The following RFPL3 variants were observed in gnomAD, a reference collection of about 807,000 sequenced individuals.
RFPL3 encodes the protein ret finger protein like 3.
In RFPL3, 8 loss-of-function variants were observed where a neutral mutation model predicts 8.7. The ratio of observed to expected loss-of-function variants is 0.92; its 90% CI spans 0.54 to 1.66. RFPL3 has a LOEUF of 1.66. RFPL3 is among the 40% of genes most tolerant of loss of function. The pLI is 0.00. For synonymous variants in RFPL3, 145 were observed against 150.5 expected (o/e 0.96, Z 0.27); for missense variants, 341 against 395.0 (o/e 0.86, Z 1.16).
At chr22:32,356,064 G>A (rs147013095), upstream of RFPL3, among the ~76,000 whole-genome samples, 383 of 152,114 alleles carry the variant, frequency 2.5e-3, 2 homozygotes, top group African/African-American at 9.0e-3. Flanking sequence ...CCAAATGTAA[G>A]ACCTCATGAA....
chr22:32,356,017 T>C (rs749993536), upstream of RFPL3, among the ~76,000 whole-genome samples: 5 of 151,976 alleles, frequency 3.3e-5, no homozygotes, highest in Non-Finnish European at 4.4e-5. Context: ...TTTTTCCATC[T>C]CTGAACCTGC....
intron 1 of RFPL3, chr22:32,359,910 CTTAA>C (rs1401786862): frequency 1.3e-5 from 4 of 296,838 alleles, no homozygotes; most frequent in African/African-American, 8.7e-5. Context: ...CTTGCATTGT[CTTAA>C]TTATCATTTA....
At chr22:32,358,819 A>G (rs1490676654) in intron 1 of RFPL3, among the ~76,000 whole-genome samples, 1 of 152,202 alleles carries the variant, frequency 6.6e-6, no homozygotes, top group Non-Finnish European at 1.5e-5. Flanking sequence ...TCTCTAGCAA[A>G]GGTTCCCATG....
upstream of RFPL3, among the ~76,000 whole-genome samples, chr22:32,355,824 C>T (rs1236377598): frequency 6.6e-6 from 1 of 150,910 alleles, no homozygotes; most frequent in African/African-American, 2.4e-5. Flanking sequence ...AGATGGCTGG[C>T]TTCAACACTG....
chr22:32,357,815 C>T (rs1932718336), upstream of RFPL3: 1 of 1,329,044 alleles, frequency 7.5e-7, no homozygotes. Flanking sequence ...TGCTGGGGTT[C>T]CCCTAGGAGG....
At chr22:32,356,232 T>G (rs543067506), upstream of RFPL3, among the ~76,000 whole-genome samples, 28 of 151,996 alleles carry the variant, frequency 1.8e-4, no homozygotes, top group Non-Finnish European at 8.8e-5. Context: ...GGGTCTTGAC[T>G]AGGGTAGGGA....
upstream of RFPL3, among the ~76,000 whole-genome samples, chr22:32,355,300 G>A (rs1932627515): frequency 6.6e-6 from 1 of 152,124 alleles, no homozygotes; most frequent in Non-Finnish European, 1.5e-5. Context: ...TGTAGTCCAA[G>A]AACCTCATTT....
chr22:32,356,091 T>C (rs1932659298), upstream of RFPL3, among the ~76,000 whole-genome samples: 1 of 152,044 alleles, frequency 6.6e-6, no homozygotes, highest in Non-Finnish European at 1.5e-5. Flanking sequence ...GATGCAACAG[T>C]GTCCTGGACA....
At chr22:32,357,477 T>C (rs919873891), upstream of RFPL3, among the ~76,000 whole-genome samples, 19 of 151,934 alleles carry the variant, frequency 1.3e-4, no homozygotes, top group Non-Finnish European at 2.5e-4. Context: ...GCCCCCTTTT[T>C]TTTTTTTGAG....
Position 32,358,313 on chromosome 22 carries a change from G to C in RFPL3, c.242G>C (p.Cys81Ser), listed in dbSNP as rs751256665. 3.2e-5 allele frequency: 51 copies of C among 1,613,952 alleles called. No homozygotes were observed. The highest frequency in any genetic ancestry group is 6.7e-5 in the East Asian group (3 of 44,886). ...PHGEDLLCCC[C>S]SMVSQRNKIR... is the part of the protein sequence containing the mutation. ...GGGGAGGATCTGCTTTGCTGTTGCT[G>C]TTCCATGGTCTCTCAGAGGAACAAA... is the stretch of plus-strand genomic sequence containing the variant. The change falls in exon 1 of 2, where the codon TGT becomes TCT. Residue 81 changes from cysteine (C) to serine (S), a missense_variant. Cys to Ser is a moderately radical substitution (Grantham distance 112, BLOSUM62 -1). Transcript: ENST00000249007.
upstream of RFPL3, chr22:32,357,829 T>A: frequency 7.2e-7 from 1 of 1,388,982 alleles, no homozygotes; most frequent in Non-Finnish European, 9.3e-7. Flanking sequence ...TAGGAGGTGG[T>A]GAAATGACCC....
chr22:32,355,075 C>CT (rs1001408569), upstream of RFPL3, among the ~76,000 whole-genome samples: 23 of 150,986 alleles, frequency 1.5e-4, no homozygotes, highest in African/African-American at 5.6e-4. Flanking sequence ...AAACTCCCCC[C>CT]ACTTGGCATC....
rs1932766026 is a variant in RFPL3, at chr22:32,360,298, T to C, written c.420T>C (p.Ile140=). Residue 140 remains isoleucine (I), a synonymous_variant, in exon 2 of 2, where the codon ATT becomes ATC. Transcript: ENST00000249007. The part of the protein sequence containing the change: ...DADTANNFLL[I]SDDLRSVRSG... ...ACACAGCCAACAACTTCCTCCTCAT[T>C]TCTGACGACCTCAGGAGCGTCCGAA... is the stretch of plus-strand genomic sequence containing the variant. 1.2e-6 allele frequency: 2 copies of C among 1,613,908 alleles called. No individual in the cohort carries two copies. Among genetic ancestry groups the C allele is most frequent in the East Asian group, 2.2e-5 (1 of 44,878 alleles).
upstream of RFPL3, among the ~76,000 whole-genome samples, chr22:32,355,617 A>G (rs560539344): frequency 6.6e-6 from 1 of 152,070 alleles, no homozygotes; most frequent in African/African-American, 2.4e-5. Context: ...CAGAGACCAA[A>G]TCCCATCAAT....
upstream of RFPL3, among the ~76,000 whole-genome samples, chr22:32,356,286 G>A (rs139000745): frequency 6.6e-6 from 1 of 152,088 alleles, no homozygotes; most frequent in African/African-American, 2.4e-5. Context: ...GCTTCATCCA[G>A]GAAGTAGTCA....
At chr22:32,357,435 G>A (rs1224953546), upstream of RFPL3, among the ~76,000 whole-genome samples, 1 of 151,390 alleles carries the variant, frequency 6.6e-6, no homozygotes, top group African/African-American at 2.4e-5. Flanking sequence ...CTCGCAAAGT[G>A]CTGGGATTAC....
chr22:32,356,252 C>T (rs7289771), upstream of RFPL3, among the ~76,000 whole-genome samples: 2,253 of 151,982 alleles, frequency 0.015, 57 homozygotes, highest in African/African-American at 0.052. Flanking sequence ...ACAGAGGGTG[C>T]GTCTTAAGGC....
At chr22:32,360,053 A>G in intron 1 of RFPL3, 199 bp from the exon 2 acceptor site, 1 of 653,118 alleles carries the variant, frequency 1.5e-6, no homozygotes, top group Middle Eastern at 4.2e-4. Context: ...TGCTACTGTG[A>G]ATAAGAGTCA....
intron 1 of RFPL3, among the ~76,000 whole-genome samples, chr22:32,359,499 T>G (rs1712037633): frequency 6.6e-6 from 1 of 152,204 alleles, no homozygotes; most frequent in Non-Finnish European, 1.5e-5. Context: ...AATTGGCGGC[T>G]TCACCTGTCA....
Sources: gnomAD v4.1 joint callset for allele counts (sites outside exome capture counted in the v4.1 genomes callset) on GRCh38, gnomAD v4.1.1 for gene constraint, MANE v1.5 for transcripts, NCBI Gene and HGNC (gene_info 2026-07-23, HGNC 2026-07-21) for gene names.